The following TSEN2 variants were observed in gnomAD, a reference collection of about 807,000 sequenced individuals.
The protein encoded by TSEN2 is tRNA splicing endonuclease subunit 2.
In TSEN2, 54 loss-of-function variants were observed where a neutral mutation model predicts 59.2. The observed-to-expected ratio is 0.91, with a 90% CI of 0.73 to 1.14. The LOEUF is 1.14. Ranked by LOEUF, TSEN2 falls within the 50% of genes most tolerant of loss-of-function variation. The pLI, the probability that TSEN2 is intolerant of heterozygous loss-of-function variation, is 0.00. For missense variants in TSEN2, 636 were observed against 576.2 expected, an observed-to-expected ratio of 1.10 and a Z score of -1.06; for synonymous variants, 195 against 198.2, an observed-to-expected ratio of 0.98 and a Z score of 0.14.
At chr3:12,518,912 AAT>A in intron 7 of TSEN2, 145 bp from the exon 8 acceptor site, 1 of 801,218 alleles carries the variant, frequency 1.2e-6, no homozygotes, top group South Asian at 1.6e-5. Flanking sequence ...CTGTCTCAAA[AAT>A]AAAATAAATA....
At chr3:12,483,215 A>C (rs1291786058), upstream of TSEN2, among the ~76,000 whole-genome samples, 3 of 152,170 alleles carry the variant, frequency 2.0e-5, no homozygotes, top group African/African-American at 7.2e-5. Flanking sequence ...GTTTCTACTA[A>C]AAATATAACA....
At chr3:12,498,341 C>T (rs1319986199) in intron 4 of TSEN2, among the ~76,000 whole-genome samples, 3 of 152,160 alleles carry the variant, frequency 2.0e-5, no homozygotes, top group Non-Finnish European at 4.4e-5. Context: ...ATAAACTATT[C>T]ACTAATAAGC....
At chr3:12,510,661 C>T (rs1167407122) in intron 6 of TSEN2, among the ~76,000 whole-genome samples, 2 of 152,106 alleles carry the variant, frequency 1.3e-5, no homozygotes, top group Non-Finnish European at 1.5e-5. Flanking sequence ...TTTCTTTTCC[C>T]GTGCTTAGTG....
In TSEN2 at chr3:12,503,504, G is replaced by T. The variant is rs773168704; in HGVS notation, c.551G>T (p.Gly184Val). The T allele has an allele frequency of 1.9e-6, 3 of 1,614,032 alleles. No individual in the cohort carries two copies. In the African/African-American group the frequency reaches 4.0e-5, roughly 22 times the overall value. The change falls in exon 5 of 12, where the codon GGT becomes GTT. Residue 184 changes from glycine to valine, a missense_variant. By Grantham distance (109) the Gly-to-Val change is moderately radical (BLOSUM62 -3). Coordinates refer to ENST00000284995, the MANE Select transcript of TSEN2 (RefSeq NM_025265.4). ...NGDSGKSGGVGDPREPLGCLQ... is the reference protein window; with the variant it reads ...NGDSGKSGGVVDPREPLGCLQ... The stretch of plus-strand genomic sequence containing the variant: ...GACTCTGGAAAGTCAGGTGGTGTGG[G>T]TGATCCCCGTGAGCCATTAGGCTGC...
chr3:12,505,936 G>A (rs2054780514), intron 6 of TSEN2, among the ~76,000 whole-genome samples: 2 of 151,948 alleles, frequency 1.3e-5, no homozygotes, highest in African/African-American at 4.8e-5. Context: ...CTGCGCTCCA[G>A]CTTGGGCGAA....
intron 3 of TSEN2, among the ~76,000 whole-genome samples, chr3:12,496,303 G>A (rs2053741825): frequency 6.6e-6 from 1 of 152,232 alleles, no homozygotes; most frequent in South Asian, 2.1e-4. Context: ...TCTAAGCCCA[G>A]CAAGACCGAT....
chr3:12,525,319 A>G (rs2056987669), intron 8 of TSEN2, among the ~76,000 whole-genome samples: 1 of 152,150 alleles, frequency 6.6e-6, no homozygotes, highest in South Asian at 2.1e-4. Flanking sequence ...TTTCTTTTGT[A>G]AAAAACAAGT....
chr3:12,530,112 G>A (rs930954384), intron 10 of TSEN2: 10 of 1,403,072 alleles, frequency 7.1e-6, no homozygotes, highest in Admixed American at 6.2e-5. Flanking sequence ...CTCCAATGAC[G>A]GAGCTTTGGA....
chr3:12,505,131 A>G (rs368488984), intron 5 of TSEN2, 23 bp from the exon 6 acceptor site: 3 of 1,389,086 alleles, frequency 2.2e-6, no homozygotes, highest in Non-Finnish European at 2.1e-6. Context: ...TGTTCTGTAT[A>G]TATTGTATTT....
intron 6 of TSEN2, among the ~76,000 whole-genome samples, chr3:12,510,296 T>C (rs2055299818): frequency 6.6e-6 from 1 of 152,252 alleles, no homozygotes; most frequent in Non-Finnish European, 1.5e-5. Context: ...ACTCACTCTG[T>C]GTCACATTCT....
intron 6 of TSEN2, among the ~76,000 whole-genome samples, chr3:12,510,026 G>C (rs1318026972): frequency 6.6e-6 from 1 of 152,184 alleles, no homozygotes; most frequent in African/African-American, 2.4e-5. Context: ...GGTATAAACT[G>C]TTTTTTACTT....
upstream of TSEN2, among the ~76,000 whole-genome samples, chr3:12,481,633 T>C (rs1031037156): frequency 3.9e-5 from 6 of 152,182 alleles, no homozygotes; most frequent in African/African-American, 1.4e-4. Flanking sequence ...AAGCCTCCTT[T>C]AGGCAGGAGT....
upstream of TSEN2, among the ~76,000 whole-genome samples, chr3:12,481,923 G>GTATATATATATA (rs10557886): frequency 1.8e-4 from 27 of 148,406 alleles, no homozygotes; most frequent in African/African-American, 6.2e-4. Context: ...GTGTGTCTGC[G>GTATATATATATA]TATATATATA....
At chr3:12,518,519 T>C (rs907857006) in intron 7 of TSEN2, among the ~76,000 whole-genome samples, 1 of 152,234 alleles carries the variant, frequency 6.6e-6, no homozygotes, top group South Asian at 2.1e-4. Flanking sequence ...TTCTAAGTCC[T>C]CTGGAGCAGT....
chr3:12,504,533 A>C (rs2054612226), intron 5 of TSEN2, among the ~76,000 whole-genome samples: 1 of 152,106 alleles, frequency 6.6e-6, no homozygotes, highest in Non-Finnish European at 1.5e-5. Flanking sequence ...GGCAACAGTG[A>C]GACACTGTCT....
chr3:12,536,119 G>C (rs1468018519), downstream of TSEN2, among the ~76,000 whole-genome samples: 3 of 152,200 alleles, frequency 2.0e-5, no homozygotes, highest in East Asian at 5.8e-4. Flanking sequence ...TGGTAGGTGA[G>C]TCAGTGGAGG....
At chr3:12,539,049 G>A (rs1457274799) in intron 10 of TSEN2, 4 of 397,754 alleles carry the variant, frequency 1.0e-5, no homozygotes, top group African/African-American at 8.7e-5. Context: ...CCTTTAAAAG[G>A]AGTGACCATT....
intron 8 of TSEN2, among the ~76,000 whole-genome samples, chr3:12,526,725 A>G (rs2125226254): frequency 6.6e-6 from 1 of 152,322 alleles, no homozygotes; most frequent in Non-Finnish European, 1.5e-5. Flanking sequence ...GGAAATTGAC[A>G]TAAAGAGTTG....
In TSEN2 at chr3:12,532,854, C is replaced by CA; in HGVS notation, c.*134dup. On this transcript the variant is annotated 3_prime_UTR_variant, in exon 12 of 12. Transcript: ENST00000284995. The stretch of plus-strand genomic sequence containing the variant: ...GGTGCTCCCAGCACCAGAAAACTAT[C>CA]AGTGTTTTTAAAGATAAATTACACA... The CA allele has an allele frequency of 3.6e-6, 3 of 835,200 alleles. No homozygotes were observed. Among genetic ancestry groups the CA allele is most frequent in the Non-Finnish European group, 5.9e-6 (3 of 507,396 alleles). 51.7% of individuals were successfully genotyped at this position (835,200 alleles called of 1,614,324 possible).
Sources: gnomAD v4.1 joint callset for allele counts (sites outside exome capture counted in the v4.1 genomes callset) on GRCh38, gnomAD v4.1.1 for gene constraint, MANE v1.5 for transcripts, NCBI Gene and HGNC (gene_info 2026-07-23, HGNC 2026-07-21) for gene names.